The following STAT3 variants were observed in gnomAD, a reference collection of about 807,000 sequenced individuals.
STAT3 encodes the protein signal transducer and activator of transcription 3, also known as DNA-binding protein APRF.
STAT3 carries 7 observed loss-of-function variants against 114.3 expected under a neutral mutation model. The observed-to-expected ratio is 0.06, with a 90% CI of 0.03 to 0.11. STAT3 has a LOEUF of 0.11. STAT3 is among the 10% of genes least tolerant of loss of function. The pLI is 1.00. For synonymous variants in STAT3, 331 were observed against 354.5 expected (o/e 0.93, Z 0.74); for missense variants, 364 against 960.9 (o/e 0.38, Z 8.21).
chr17:42,329,414 C>T lies in STAT3; in HGVS notation c.1277G>A (p.Cys426Tyr), dbSNP rs2144766459. Residue 426 changes from cysteine (C) to tyrosine (Y), a missense_variant, in exon 14 of 24, where the codon TGT becomes TAT. By Grantham distance (194) the Cys-to-Tyr change is radical (BLOSUM62 -2). Around this residue, in one of 5 missense-constraint regions of STAT3, gnomAD observed 294 missense variants for 745.1 expected, o/e 0.39. Transcript: ENST00000264657. ...TTCATCCCCAACAAAACTTACATCA[C>T]AATTGGCTCGGCCCCCATTCCCACA... ...QRCGNGGRAN[C>Y]DASLIVTEEL... 1 of 1,614,040 alleles carries T rather than the reference C, an allele frequency of 6.2e-7. No homozygotes were observed. The highest frequency in any genetic ancestry group is 8.5e-7 in the Non-Finnish European group (1 of 1,180,038).
At position 42,320,749 on chromosome 17, in the gene STAT3, G is replaced by T. The variant is rs567681881; in HGVS notation, c.2101+1533C>A. On this transcript the variant is annotated intron_variant, in intron 21 of 23. Transcript: ENST00000264657. ...GTCTAAAAAAAAAAAAAAAAAAAAA[G>T]CCCATCATTGGCTTTATGATTACAG... 2.1e-3 allele frequency among the ~76,000 whole-genome samples: 225 copies of T among 109,330 alleles called. 1 individual carries two copies. Among genetic ancestry groups the T allele is most frequent in the African/African-American group, 7.9e-3 (216 of 27,412 alleles). 71.7% of individuals were successfully genotyped at this position (109,330 alleles called of 152,430 possible). A position where few individuals can be genotyped will look rare whatever the true frequency, so the allele number is the denominator to read the frequency against.
intron 1 of STAT3, among the ~76,000 whole-genome samples, chr17:42,362,123 T>C (rs1306050293): frequency 2.6e-5 from 4 of 152,174 alleles, no homozygotes; most frequent in East Asian, 3.8e-4. Flanking sequence ...AGTGCCAACA[T>C]TGAGAGGGCA....
At chr17:42,320,091 C>A (rs1003858831) in intron 21 of STAT3, among the ~76,000 whole-genome samples, 3 of 152,138 alleles carry the variant, frequency 2.0e-5, no homozygotes, top group Non-Finnish European at 4.4e-5. Context: ...GGGACCCCAA[C>A]GTCCTCTGCA....
At chr17:42,362,329 G>T (rs1453114658) in intron 1 of STAT3, among the ~76,000 whole-genome samples, 1 of 152,190 alleles carries the variant, frequency 6.6e-6, no homozygotes, top group African/African-American at 2.4e-5. Flanking sequence ...AGAGGCAGAG[G>T]CAAGAGAAAA....
In STAT3 at chr17:42,346,306, C is replaced by T. The variant is rs112232969; in HGVS notation, c.273+263G>A. Among the ~76,000 whole-genome samples, 2,185 of 152,240 alleles carry T rather than the reference C, an allele frequency of 0.014. 18 individuals are homozygous for T. The highest frequency in any genetic ancestry group is 0.027 in the Middle Eastern group (8 of 294). Reference sequence around the variant, plus strand: ...GAGAGTCATCTTCCTATCAGTGGACCGCGTTAACATGCTAACATGTATGAT... The same window carrying T: ...GAGAGTCATCTTCCTATCAGTGGACTGCGTTAACATGCTAACATGTATGAT... On this transcript the variant is annotated intron_variant, in intron 3 of 23. Transcript: ENST00000264657.
intron 11 of STAT3, 143 bp from the exon 12 acceptor site, chr17:42,329,919 C>T (rs112994398): frequency 6.3e-6 from 6 of 950,296 alleles, no homozygotes; most frequent in Admixed American, 4.1e-5. Context: ...AGTTGATCAG[C>T]GCAACATAAC....
Position 42,331,935 on chromosome 17 carries a change from C to CT in STAT3, c.1050-405dup, listed in dbSNP as rs776956402. 3.5e-3 allele frequency among the ~76,000 whole-genome samples: 505 copies of CT among 143,726 alleles called. 1 individual carries two copies. The highest frequency in any genetic ancestry group is 0.013 in the East Asian group (63 of 4,892). The allele number at this position is 143,726 out of a possible 152,430, so 94.3% of individuals were successfully genotyped here. A position where few individuals can be genotyped will look rare whatever the true frequency, so the allele number is the denominator to read the frequency against. On this transcript the variant is annotated intron_variant, in intron 10 of 23. Transcript: ENST00000264657. ...AGAGCGAGATCCTATCTCTCTTTCT[C>CT]TTTTTTTTTTTTTGAGACAGTTTCT...
At chr17:42,385,508 CAA>C (rs11328125) in intron 1 of STAT3, among the ~76,000 whole-genome samples, 1,694 of 108,228 alleles carry the variant, frequency 0.016, 34 homozygotes, top group African/African-American at 0.05. Context: ...AACTCCAACT[CAA>C]AAAAAAAAAA....
chr17:42,337,567 G>A lies in STAT3; in HGVS notation c.665C>T (p.Ala222Val), dbSNP rs764674735. The change falls in exon 8 of 24, where the codon GCG becomes GTG. Residue 222 changes from alanine to valine, a missense_variant. This residue lies in a region of STAT3 where 294 missense variants were observed against 745.1 expected (regional missense o/e 0.39). Transcript: ENST00000264657. This position sits in a 1 kb window ranked among gnomAD's most constrained non-coding sequence, Gnocchi z 4.0. ...GTACTCCATCGCTGACAAAAGCCCC[G>A]CCAGCTCACTCACGATGCTCTGGTT... ...QMRRSIVSEL[A>V]GLLSAMEYVQ... 2 of 1,614,144 alleles carry A rather than the reference G, an allele frequency of 1.2e-6. No homozygotes were observed. The highest frequency in any genetic ancestry group is 1.7e-6 in the Non-Finnish European group (2 of 1,180,016).
chr17:42,322,187 G>T, intron 21 of STAT3, 95 bp downstream of exon 21: 1 of 1,162,800 alleles, frequency 8.6e-7, no homozygotes, highest in Non-Finnish European at 1.3e-6. Context: ...TTATCCCCCA[G>T]GTTATTCAGG....
At chr17:42,360,195 G>C (rs1053585766) in intron 1 of STAT3, among the ~76,000 whole-genome samples, 3 of 151,454 alleles carry the variant, frequency 2.0e-5, no homozygotes, top group Non-Finnish European at 4.4e-5. Flanking sequence ...TAGGAGTCTT[G>C]TTTTTTCTTT....
rs759106857 is a variant in STAT3 at position 42,315,773 on chromosome 17, G to A, written c.2285C>T (p.Thr762Ile). The change falls in exon 24 of 24, where the codon ACC (threonine) becomes ATC (isoleucine). Residue 762 changes from threonine to isoleucine, a missense_variant. Around this residue, in one of 5 missense-constraint regions of STAT3, gnomAD observed 37 missense variants for 66.5 expected, o/e 0.56. Coordinates refer to ENST00000264657, the MANE Select transcript of STAT3 (RefSeq NM_139276.3). ...CATGGGGGAGGTAGCGCACTCCGAGGTCAACTCCATGTCAAAGGTGAGGGA... is the reference window on the plus strand; with the variant it reads ...CATGGGGGAGGTAGCGCACTCCGAGATCAACTCCATGTCAAAGGTGAGGGA... ...FESLTFDMEL[T>I]SECATSPM The A allele has an allele frequency of 1.9e-6, 3 of 1,614,052 alleles. No homozygotes were observed. The highest frequency in any genetic ancestry group is 1.1e-5 in the South Asian group (1 of 91,068).
intron 1 of STAT3, among the ~76,000 whole-genome samples, chr17:42,368,296 T>G (rs2083915050): frequency 6.6e-6 from 1 of 152,232 alleles, no homozygotes; most frequent in Non-Finnish European, 1.5e-5. Flanking sequence ...ACTTTAGCAC[T>G]CTCTTGTCCT....
chr17:42,355,673 A>G (rs1384642215), intron 1 of STAT3, among the ~76,000 whole-genome samples: 1 of 152,200 alleles, frequency 6.6e-6, no homozygotes, highest in South Asian at 2.1e-4. Flanking sequence ...ACAAATAACT[A>G]TTGTCTAATT....
chr17:42,315,903 A>G, intron 23 of STAT3, 103 bp from the exon 24 acceptor site: 1 of 1,603,726 alleles, frequency 6.2e-7, no homozygotes, highest in Non-Finnish European at 8.5e-7. Flanking sequence ...TACCACTGCT[A>G]TCCAATCTCC....
chr17:42,370,407 G>T (rs538708035), intron 1 of STAT3, among the ~76,000 whole-genome samples: 1 of 151,806 alleles, frequency 6.6e-6, no homozygotes, highest in Admixed American at 6.6e-5. Flanking sequence ...CACCACACCT[G>T]GCTAATTTTT....
intron 4 of STAT3, among the ~76,000 whole-genome samples, chr17:42,344,262 A>C (rs376815679): frequency 6.6e-6 from 1 of 151,974 alleles, no homozygotes; most frequent in African/African-American, 2.4e-5. Flanking sequence ...CTCTACTAAA[A>C]ACACAAAAAA....
intron 1 of STAT3, among the ~76,000 whole-genome samples, chr17:42,364,227 C>T (rs1163982939): frequency 6.6e-6 from 1 of 152,144 alleles, no homozygotes; most frequent in Non-Finnish European, 1.5e-5. Context: ...AAAGATCAGC[C>T]TATATATAGG....
At chr17:42,344,208 G>T (rs1178630234) in intron 4 of STAT3, among the ~76,000 whole-genome samples, 1 of 152,060 alleles carries the variant, frequency 6.6e-6, no homozygotes, top group Admixed American at 6.6e-5. Context: ...GGATCACGAG[G>T]TCAAGAGATC....
Sources: gnomAD v4.1 joint callset for allele counts (sites outside exome capture counted in the v4.1 genomes callset) on GRCh38, gnomAD v4.1.1 for gene constraint, gnomAD v4.1.1 regional missense constraint, Gnocchi (gnomAD v3.1) non-coding constraint, MANE v1.5 for transcripts, NCBI Gene and HGNC (gene_info 2026-07-23, HGNC 2026-07-21) for gene names.